COL24A1: variants seen among roughly 807,000 people sequenced by gnomAD.
COL24A1 encodes the protein collagen type XXIV alpha 1 chain.
Under a neutral mutation model 253.9 loss-of-function variants are expected in COL24A1, and 224 were observed. The observed-to-expected ratio is 0.88, with a 90% confidence interval of 0.79 to 0.99. The LOEUF (loss-of-function observed/expected upper bound fraction) is 0.99. Ranked by LOEUF, COL24A1 falls within the 50% of genes least tolerant of loss-of-function variation. COL24A1 has a pLI of 0.00. For missense variants in COL24A1, 2,131 were observed against 2,068.5 expected (o/e 1.03, Z -0.59); for synonymous variants, 685 against 673.7 (o/e 1.02, Z -0.26).
At chr1:86,081,875 A>G (rs138314683) in intron 7 of COL24A1, among the ~76,000 whole-genome samples, 108 of 152,302 alleles carry the variant, frequency 7.1e-4, no homozygotes, top group African/African-American at 2.3e-3. Flanking sequence ...GACTGCCTGC[A>G]TATTTATATA....
intron 28 of COL24A1, among the ~76,000 whole-genome samples, chr1:85,900,398 G>T (rs748718743): frequency 1.6e-4 from 24 of 152,096 alleles, no homozygotes; most frequent in Admixed American, 8.5e-4. Context: ...CAACATTTTG[G>T]GAAGCTGAGG....
At chr1:85,891,279 T>C (rs1206576879) in intron 31 of COL24A1, among the ~76,000 whole-genome samples, 1 of 149,854 alleles carries the variant, frequency 6.7e-6, no homozygotes, top group South Asian at 2.1e-4. Flanking sequence ...TTAACCAGGA[T>C]GGTATCAATC....
intron 55 of COL24A1, among the ~76,000 whole-genome samples, chr1:85,747,840 G>C (rs577514099): frequency 6.6e-6 from 1 of 152,164 alleles, no homozygotes; most frequent in South Asian, 2.1e-4. Flanking sequence ...CTCAATGAAC[G>C]TTTTGTACTT....
At chr1:85,773,979 C>A (rs1570554865) in intron 53 of COL24A1, among the ~76,000 whole-genome samples, 2 of 152,162 alleles carry the variant, frequency 1.3e-5, no homozygotes, top group East Asian at 3.9e-4. Context: ...CCAGTTTTTG[C>A]CTATTCAGTA....
rs952767107 is a variant in COL24A1 at position 85,970,388 on chromosome 1, A to G, written c.2419-117T>C. ...AAGCTCATTCTGAGATGTGATGAAA[A>G]TAATGCTGTTATTTTCTTGTACTTT... On this transcript the variant is annotated intron_variant, in intron 21 of 59. Transcript: ENST00000370571. 5.0e-6 allele frequency: 5 copies of G among 993,414 alleles called. No homozygotes were observed. The African/African-American group carries it at 8.3e-5, about 17-fold the overall frequency. 61.5% of individuals were successfully genotyped at this position (993,414 alleles called of 1,614,324 possible). A position where few individuals can be genotyped will look rare whatever the true frequency, so the allele number is the denominator to read the frequency against.
At chr1:85,900,661 T>C (rs1684191847) in intron 28 of COL24A1, among the ~76,000 whole-genome samples, 1 of 151,774 alleles carries the variant, frequency 6.6e-6, no homozygotes, top group Admixed American at 6.6e-5. Context: ...TAAAATAAAA[T>C]ATACTACAAA....
intron 2 of COL24A1, among the ~76,000 whole-genome samples, chr1:86,139,027 A>G (rs1034817405): frequency 4.6e-5 from 7 of 152,246 alleles, no homozygotes; most frequent in African/African-American, 1.7e-4. Flanking sequence ...TAGTATGCTA[A>G]TAAAATCAGT....
chr1:85,948,937 A>G (rs1689619048), intron 24 of COL24A1, among the ~76,000 whole-genome samples: 2 of 152,094 alleles, frequency 1.3e-5, no homozygotes, highest in Admixed American at 6.5e-5. Flanking sequence ...TAAAAAATAC[A>G]AAGAATTGCC....
chr1:85,793,304 G>C (rs1455151943), intron 47 of COL24A1, among the ~76,000 whole-genome samples: 1 of 152,064 alleles, frequency 6.6e-6, no homozygotes, highest in Non-Finnish European at 1.5e-5. Context: ...TCCTCAGCTT[G>C]ACCTTTAAGT....
At chr1:85,888,944 A>C (rs1223649079) in intron 32 of COL24A1, among the ~76,000 whole-genome samples, 1 of 152,160 alleles carries the variant, frequency 6.6e-6, no homozygotes, top group Non-Finnish European at 1.5e-5. Flanking sequence ...TACATCTGAC[A>C]CTATTAACCA....
intron 12 of COL24A1, among the ~76,000 whole-genome samples, chr1:86,037,190 AGT>A (rs1328586761): frequency 1.3e-5 from 2 of 152,212 alleles, no homozygotes; most frequent in Non-Finnish European, 2.9e-5. Context: ...TCCAGTGATC[AGT>A]GTGGTGGACA....
intron 35 of COL24A1, among the ~76,000 whole-genome samples, chr1:85,870,696 C>T (rs1680362643): frequency 6.6e-6 from 1 of 152,176 alleles, no homozygotes. Flanking sequence ...ACATTTAAAG[C>T]AGTATGTAGA....
intron 39 of COL24A1, among the ~76,000 whole-genome samples, chr1:85,844,177 G>C (rs1489785899): frequency 1.3e-5 from 2 of 151,982 alleles, no homozygotes; most frequent in Non-Finnish European, 2.9e-5. Flanking sequence ...GAATATAGTA[G>C]TCCTCAAAGA....
At chr1:85,860,251 AGAT>A (rs1258284149) in intron 37 of COL24A1, among the ~76,000 whole-genome samples, 2 of 152,230 alleles carry the variant, frequency 1.3e-5, no homozygotes, top group African/African-American at 2.4e-5. Context: ...GTGTACAATT[AGAT>A]GATTTTTAGT....
chr1:86,128,653 T>C (rs1055584894), intron 2 of COL24A1, among the ~76,000 whole-genome samples: 1 of 151,932 alleles, frequency 6.6e-6, no homozygotes, highest in Non-Finnish European at 1.5e-5. Context: ...TTAAAAAGCA[T>C]ATGTGTGTTT....
intron 47 of COL24A1, among the ~76,000 whole-genome samples, chr1:85,799,248 A>AAAGAAAG (rs376013377): frequency 2.8e-5 from 4 of 144,218 alleles, no homozygotes; most frequent in Non-Finnish European, 4.6e-5. Flanking sequence ...AGAAAGAAAG[A>AAAGAAAG]AAAGAAAAGA....
chr1:85,915,882 G>A (rs572586540), intron 24 of COL24A1, among the ~76,000 whole-genome samples: 3 of 152,204 alleles, frequency 2.0e-5, no homozygotes, highest in African/African-American at 7.2e-5. Context: ...TCGAACTCCA[G>A]ACTTCAAGTG....
At chr1:86,132,718 G>A (rs574983940) in intron 2 of COL24A1, among the ~76,000 whole-genome samples, 16 of 152,076 alleles carry the variant, frequency 1.1e-4, no homozygotes, top group Admixed American at 5.2e-4. Flanking sequence ...CTGTTCCATT[G>A]GTCTATATCT....
intron 20 of COL24A1, among the ~76,000 whole-genome samples, chr1:85,976,170 C>T (rs1479554970): frequency 6.6e-6 from 1 of 152,162 alleles, no homozygotes; most frequent in Non-Finnish European, 1.5e-5. Flanking sequence ...GGAGCCAAGG[C>T]CAACAGTATT....
Sources: gnomAD v4.1 joint callset for allele counts (sites outside exome capture counted in the v4.1 genomes callset) on GRCh38, gnomAD v4.1.1 for gene constraint, MANE v1.5 for transcripts, NCBI Gene and HGNC (gene_info 2026-07-23, HGNC 2026-07-21) for gene names.